Variants in RBFOX1 observed in about 807,000 individuals in gnomAD.
RBFOX1 encodes RNA binding fox-1 homolog 1, also known as RNA binding protein fox-1 homolog 1.
A neutral mutation model predicts 57.7 loss-of-function variants in RBFOX1; 8 were observed. That is an observed-to-expected ratio of 0.14 (90% CI 0.08 to 0.25). RBFOX1 has a LOEUF of 0.25. Among genes scored for constraint, RBFOX1 ranks in the 10% least tolerant of loss-of-function variants. The probability of loss-of-function intolerance (pLI) is 1.00; values close to 1 mark genes in which losing one functional copy is unlikely to be tolerated. For missense variants in RBFOX1, 611 were observed against 548.5 expected (o/e 1.11, Z -1.14); for synonymous variants, 326 against 222.4 (o/e 1.47, Z -4.15).
At chr16:5,553,926 C>T (rs2045571044) in intron 2 of RBFOX1, among the ~76,000 whole-genome samples, 1 of 151,358 alleles carries the variant, frequency 6.6e-6, no homozygotes, top group Admixed American at 6.6e-5. Context: ...TGGCAAACAA[C>T]AGACATGTCT....
Position 6,019,195 on chromosome 16 carries a change from C to G in RBFOX1, c.-924C>G, listed in dbSNP as rs2095022521. 5 of 985,362 alleles carry G rather than the reference C, an allele frequency of 5.1e-6. No homozygotes were observed. Among genetic ancestry groups the G allele is most frequent in the Non-Finnish European group, 6.0e-6 (5 of 829,974 alleles). The allele number at this position is 985,362 out of a possible 1,614,324, so 61.0% of individuals were successfully genotyped here. On this transcript the variant is annotated 5_prime_UTR_variant, in exon 1 of 16. Coordinates refer to ENST00000550418, the MANE Select transcript of RBFOX1 (RefSeq NM_018723.4). The surrounding 1 kb of genome is among the most constrained non-coding windows in gnomAD (Gnocchi z 4.2). ...CTGGAAGATTTCCTCTTTATTCTCT[C>G]CCGCCCTCCTACAAGCGCTCTTGCT...
chr16:5,647,898 C>A (rs546224405), intron 3 of RBFOX1, among the ~76,000 whole-genome samples: 23 of 152,222 alleles, frequency 1.5e-4, no homozygotes, highest in African/African-American at 5.5e-4. Context: ...TTCATTCTGT[C>A]ACTCAGCCTG....
chr16:6,594,435 T>TG (rs749466010), intron 2 of RBFOX1, among the ~76,000 whole-genome samples: 4 of 152,116 alleles, frequency 2.6e-5, no homozygotes, highest in Middle Eastern at 3.4e-3. Context: ...AAGCAGGTGG[T>TG]GGGGGGGTCT....
chr16:6,207,238 C>A (rs1040633255), intron 1 of RBFOX1, among the ~76,000 whole-genome samples: 5 of 152,126 alleles, frequency 3.3e-5, no homozygotes, highest in African/African-American at 1.2e-4. Flanking sequence ...CTGAGACTCT[C>A]CTTGTTCAGT....
intron 4 of RBFOX1, among the ~76,000 whole-genome samples, chr16:7,195,092 G>T (rs1231719351): frequency 2.6e-5 from 4 of 152,098 alleles, no homozygotes; most frequent in Admixed American, 2.6e-4. Context: ...TTAATAAAGA[G>T]CTCTTCAGTC....
In RBFOX1 at chr16:6,720,535, C is replaced by T. The variant is rs146280364; in HGVS notation, c.-16+65885C>T. Among the ~76,000 whole-genome samples, 1,327 of 152,248 alleles carry T rather than the reference C, an allele frequency of 8.7e-3. 14 individuals carry two copies. The highest frequency in any genetic ancestry group is 0.03 in the African/African-American group (1,263 of 41,526). ...ATTCAGGAAAGGGTGTTACAGGCAG[C>T]AGGAACAGCAAAGGCAGAGGCCCTG... On this transcript the variant is annotated intron_variant, in intron 3 of 15. Transcript: ENST00000550418.
At chr16:7,346,611 G>A (rs941648312) in intron 4 of RBFOX1, among the ~76,000 whole-genome samples, 5 of 151,748 alleles carry the variant, frequency 3.3e-5, no homozygotes, top group African/African-American at 9.7e-5. Context: ...ACACATCATG[G>A]TGTGTGTCCC....
chr16:6,972,109 CACA>C (rs1211123194), intron 3 of RBFOX1, among the ~76,000 whole-genome samples: 2 of 152,118 alleles, frequency 1.3e-5, no homozygotes, highest in African/African-American at 4.8e-5. Flanking sequence ...CTAAAAAGCA[CACA>C]ACATCTAACC....
chr16:5,696,112 G>T (rs534468413), intron 3 of RBFOX1, among the ~76,000 whole-genome samples: 13 of 152,158 alleles, frequency 8.5e-5, no homozygotes, highest in Non-Finnish European at 1.9e-4. Flanking sequence ...TGAACCTCCT[G>T]TAGTCACCTT....
At chr16:7,674,422 C>A (rs1279681120) in intron 13 of RBFOX1, among the ~76,000 whole-genome samples, 3 of 152,270 alleles carry the variant, frequency 2.0e-5, no homozygotes, top group East Asian at 3.9e-4. Context: ...TGTTGGACAG[C>A]ACAGATATAG....
chr16:6,767,670 C>T (rs537575822), intron 3 of RBFOX1, among the ~76,000 whole-genome samples: 91 of 151,930 alleles, frequency 6.0e-4, no homozygotes, highest in Non-Finnish European at 1.1e-3. Flanking sequence ...AATCCCAACA[C>T]TTTGGGAGGC....
At chr16:6,694,414 C>T (rs764960888) in intron 3 of RBFOX1, among the ~76,000 whole-genome samples, 1 of 152,184 alleles carries the variant, frequency 6.6e-6, no homozygotes, top group Non-Finnish European at 1.5e-5. Context: ...GAAGAAAAAA[C>T]TGGTTGGTCT....
chr16:5,614,239 T>C (rs2047935423), intron 3 of RBFOX1, among the ~76,000 whole-genome samples: 1 of 152,102 alleles, frequency 6.6e-6, no homozygotes, highest in Admixed American at 6.6e-5. Context: ...GCAGACATTT[T>C]TAAACTAGAA....
At chr16:5,895,991 A>T (rs576099979) in intron 4 of RBFOX1, among the ~76,000 whole-genome samples, 1 of 152,294 alleles carries the variant, frequency 6.6e-6, no homozygotes, top group East Asian at 1.9e-4. Context: ...AGGAAGTACG[A>T]CAAACTTGGT....
intron 2 of RBFOX1, among the ~76,000 whole-genome samples, chr16:5,585,432 C>G (rs1365675184): frequency 6.6e-6 from 1 of 152,126 alleles, no homozygotes; most frequent in Admixed American, 6.5e-5. Flanking sequence ...GGGGTGTTTC[C>G]TGCTTTGGGC....
chr16:7,416,049 CT>C (rs1273985035), intron 4 of RBFOX1, among the ~76,000 whole-genome samples: 1 of 152,156 alleles, frequency 6.6e-6, no homozygotes, highest in Non-Finnish European at 1.5e-5. Flanking sequence ...ACTCAGGCCT[CT>C]TTTTCTCTTC....
intron 3 of RBFOX1, among the ~76,000 whole-genome samples, chr16:6,930,802 T>C (rs747074957): frequency 1.3e-5 from 2 of 152,188 alleles, no homozygotes; most frequent in African/African-American, 4.8e-5. Flanking sequence ...TTTCTCACTT[T>C]ATTCAGTCTA....
intron 12 of RBFOX1, chr16:7,664,726 G>A: frequency 1.2e-6 from 1 of 818,564 alleles, no homozygotes; most frequent in Admixed American, 2.7e-5. Flanking sequence ...CCTAATTCTG[G>A]GCCAACACCA....
chr16:6,393,708 A>T (rs1404429738), intron 2 of RBFOX1, among the ~76,000 whole-genome samples: 1 of 152,086 alleles, frequency 6.6e-6, no homozygotes, highest in Non-Finnish European at 1.5e-5. Flanking sequence ...GTGTCTTTAG[A>T]CACACAACAC....
Sources: allele counts gnomAD v4.1 joint callset (sites outside exome capture counted in the v4.1 genomes callset), GRCh38; gene constraint gnomAD v4.1.1; non-coding constraint Gnocchi (gnomAD v3.1); transcripts MANE v1.5; gene names NCBI Gene and HGNC (gene_info 2026-07-23, HGNC 2026-07-21).